The following TRPM3 variants were observed in gnomAD, a reference collection of about 807,000 sequenced individuals.
TRPM3 encodes the protein transient receptor potential cation channel subfamily M member 3.
A neutral mutation model predicts 181.2 loss-of-function variants in TRPM3; 77 were observed. The observed-to-expected ratio is 0.42, with a 90% CI of 0.35 to 0.51. TRPM3 has a LOEUF of 0.51. Ranked by LOEUF, TRPM3 falls within the 20% of genes least tolerant of loss-of-function variation. The pLI, the probability that TRPM3 is intolerant of heterozygous loss-of-function variation, is 0.01. For missense variants in TRPM3, 1,759 were observed against 2,196.7 expected (o/e 0.80, Z 3.98); for synonymous variants, 745 against 796.4 (o/e 0.94, Z 1.09).
intron 1 of TRPM3, among the ~76,000 whole-genome samples, chr9:71,443,076 T>C (rs970310127): frequency 6.6e-6 from 1 of 152,204 alleles, no homozygotes; most frequent in African/African-American, 2.4e-5. Flanking sequence ...GAAATTAATA[T>C]ACAACATCTT....
At chr9:71,213,405 T>C (rs566406392) in intron 1 of TRPM3, among the ~76,000 whole-genome samples, 1 of 152,344 alleles carries the variant, frequency 6.6e-6, no homozygotes, top group South Asian at 2.1e-4. Flanking sequence ...GAACTAAACA[T>C]TTGGCTTTAA....
intron 2 of TRPM3, 145 bp from the exon 3 acceptor site, chr9:70,863,257 G>C (rs1421012879): frequency 9.2e-6 from 6 of 648,966 alleles, no homozygotes; most frequent in Non-Finnish European, 1.6e-5. Context: ...GGCTATATCA[G>C]GTATTGGTAA....
At chr9:70,889,402 T>C (rs1304789694) in intron 1 of TRPM3, among the ~76,000 whole-genome samples, 1 of 152,176 alleles carries the variant, frequency 6.6e-6, no homozygotes, top group Non-Finnish European at 1.5e-5. Flanking sequence ...TACACATTGA[T>C]GGGCGAGGTC....
At chr9:70,829,547 CT>C (rs1387399487) in intron 5 of TRPM3, among the ~76,000 whole-genome samples, 10 of 152,030 alleles carry the variant, frequency 6.6e-5, no homozygotes, top group African/African-American at 2.4e-4. Flanking sequence ...ATATATAGGA[CT>C]TTTTTGTTAA....
chr9:71,417,919 T>C (rs991546943), intron 1 of TRPM3, among the ~76,000 whole-genome samples: 4 of 151,910 alleles, frequency 2.6e-5, no homozygotes, highest in Non-Finnish European at 5.9e-5. Context: ...AAACACCTGA[T>C]GGAAATAAAT....
intron 1 of TRPM3, among the ~76,000 whole-genome samples, chr9:71,157,427 A>G (rs998106748): frequency 2.6e-5 from 4 of 152,168 alleles, no homozygotes; most frequent in African/African-American, 9.6e-5. Context: ...TAGTTTCTAT[A>G]TATTTTATTA....
At chr9:70,565,940 A>G (rs1228247309) in intron 22 of TRPM3, among the ~76,000 whole-genome samples, 1 of 152,114 alleles carries the variant, frequency 6.6e-6, no homozygotes, top group Non-Finnish European at 1.5e-5. Context: ...ATGATGACAC[A>G]TTTCCAGCTT....
rs1177532859 is a variant in TRPM3 at position 70,598,673 on chromosome 9, A to G, written c.2797-3T>C. ...TTCCCTGGCTCTGACATCAGAATCT[A>G]TAAGGCAGGAAGGAGAGCAGAGTTA... On this transcript the variant is annotated splice_region_variant and splice_polypyrimidine_tract_variant and intron_variant, in intron 20 of 25. Transcript: ENST00000677713. The G allele has an allele frequency of 3.1e-6, 5 of 1,612,670 alleles. No homozygotes were observed. Among genetic ancestry groups the G allele is most frequent in the East Asian group, 2.2e-5 (1 of 44,842 alleles).
chr9:70,907,776 G>A (rs960092297), intron 1 of TRPM3, among the ~76,000 whole-genome samples: 3 of 152,054 alleles, frequency 2.0e-5, no homozygotes, highest in African/African-American at 7.2e-5. Context: ...CCAATGTTTA[G>A]CTCCCACTTA....
intron 1 of TRPM3, among the ~76,000 whole-genome samples, chr9:71,327,710 C>A (rs943396135): frequency 3.9e-5 from 6 of 152,206 alleles, no homozygotes; most frequent in African/African-American, 1.2e-4. Context: ...CCACTCTTTT[C>A]CTCCAACAGT....
At chr9:70,765,527 T>C (rs1172992937) in intron 7 of TRPM3, among the ~76,000 whole-genome samples, 5 of 152,070 alleles carry the variant, frequency 3.3e-5, no homozygotes, top group Non-Finnish European at 7.4e-5. Context: ...GAGGCAGAAG[T>C]TGAAGTGAAC....
intron 6 of TRPM3, among the ~76,000 whole-genome samples, chr9:70,811,867 T>G (rs2092103502): frequency 6.6e-6 from 1 of 152,166 alleles, no homozygotes; most frequent in South Asian, 2.1e-4. Flanking sequence ...ATAATATTAT[T>G]AATTGGACTG....
At chr9:71,420,993 GAGAA>G (rs542370001) in intron 1 of TRPM3, among the ~76,000 whole-genome samples, 1 of 94,222 alleles carries the variant, frequency 1.1e-5, no homozygotes, top group East Asian at 2.1e-4. Flanking sequence ...GAAAAAGAGA[GAGAA>G]AAAGAGAGAA....
intron 1 of TRPM3, among the ~76,000 whole-genome samples, chr9:70,966,199 T>A (rs2097183988): frequency 6.6e-6 from 1 of 151,892 alleles, no homozygotes. Flanking sequence ...TGAGATACCA[T>A]CTCACACCAG....
chr9:70,846,309 G>A (rs1399872206), intron 4 of TRPM3, 69 bp downstream of exon 4: 2 of 1,439,172 alleles, frequency 1.4e-6, no homozygotes, highest in Non-Finnish European at 2.0e-6. Context: ...ATTAATCTTA[G>A]CAGAAAATTA....
At chr9:70,689,967 C>A (rs1323301390) in intron 8 of TRPM3, among the ~76,000 whole-genome samples, 3 of 151,898 alleles carry the variant, frequency 2.0e-5, no homozygotes, top group Non-Finnish European at 2.9e-5. Flanking sequence ...AATATTGGGA[C>A]AATGAAATTG....
intron 1 of TRPM3, among the ~76,000 whole-genome samples, chr9:71,411,373 T>A (rs2093546742): frequency 6.6e-6 from 1 of 152,102 alleles, no homozygotes; most frequent in African/African-American, 2.4e-5. Flanking sequence ...CAGCCCAAAA[T>A]CTCCTTAAGC....
intron 5 of TRPM3, among the ~76,000 whole-genome samples, chr9:70,834,082 G>T (rs1041146836): frequency 6.6e-6 from 1 of 152,196 alleles, no homozygotes; most frequent in Admixed American, 6.5e-5. Flanking sequence ...AGGCACCTTG[G>T]CTGTAAGGAC....
intron 22 of TRPM3, among the ~76,000 whole-genome samples, chr9:70,587,972 T>C (rs2057426643): frequency 6.6e-6 from 1 of 152,212 alleles, no homozygotes; most frequent in Non-Finnish European, 1.5e-5. Context: ...CCTTATCTTC[T>C]GCTTCCAATC....
Sources: allele counts gnomAD v4.1 joint callset (sites outside exome capture counted in the v4.1 genomes callset), GRCh38; gene constraint gnomAD v4.1.1; transcripts MANE v1.5; gene names NCBI Gene and HGNC (gene_info 2026-07-23, HGNC 2026-07-21).